Variants in NCEH1 observed in about 807,000 individuals in gnomAD.
NCEH1 encodes the protein neutral cholesterol ester hydrolase 1.
In NCEH1, 9 loss-of-function variants were observed where a neutral mutation model predicts 25.4. The ratio of observed to expected loss-of-function variants is 0.35; its 90% confidence interval spans 0.21 to 0.62. The LOEUF (loss-of-function observed/expected upper bound fraction) is 0.62, where lower values mean the gene tolerates loss of function less well. NCEH1 is among the 20% of genes least tolerant of loss of function. The pLI, the probability that NCEH1 is intolerant of heterozygous loss-of-function variation, is 0.72. For synonymous variants in NCEH1, 200 were observed against 199.8 expected (o/e 1.00, Z -0.01); for missense variants, 412 against 501.1 (o/e 0.82, Z 1.70).
rs1199447925 is a variant in NCEH1 at position 172,697,881 on chromosome 3, G to C, written c.138+12966C>G. ...TTAACTACTATTTTATAAAGTGGTT[G>C]TGTTTGTAATTCTGCAAATGCATCT... On this transcript the variant is annotated intron_variant, in intron 1 of 4. Coordinates refer to ENST00000475381, the MANE Select transcript of NCEH1 (RefSeq NM_020792.6). 4.0e-5 allele frequency among the ~76,000 whole-genome samples: 6 copies of C among 151,660 alleles called. No homozygotes were observed. In the Middle Eastern group the frequency reaches 0.014, roughly 346 times the overall value.
At chr3:172,709,539 C>G (rs1286536071) in intron 1 of NCEH1, among the ~76,000 whole-genome samples, 1 of 152,116 alleles carries the variant, frequency 6.6e-6, no homozygotes, top group Non-Finnish European at 1.5e-5. Context: ...GGGCAGGGGT[C>G]TATAGCTTCA....
At chr3:172,668,994 C>A (rs113543270) in intron 1 of NCEH1, among the ~76,000 whole-genome samples, 55 of 152,126 alleles carry the variant, frequency 3.6e-4, no homozygotes, top group Middle Eastern at 6.8e-3. Flanking sequence ...GCCACCACAC[C>A]CAGCTAATTT....
In NCEH1 at chr3:172,654,976, G is replaced by A. The variant is rs143574078; in HGVS notation, c.139-6862C>T. ...ATGTTTAATGTTCAATTAAGAGATGGACCTTAAAGTAGAGGTATGGAACCA... is the reference window on the plus strand; with the variant it reads ...ATGTTTAATGTTCAATTAAGAGATGAACCTTAAAGTAGAGGTATGGAACCA... On this transcript the variant is annotated intron_variant, in intron 1 of 4. Transcript: ENST00000475381. Among the ~76,000 whole-genome samples, 317 of 152,284 alleles carry A rather than the reference G, an allele frequency of 2.1e-3. 3 individuals are homozygous for A. The highest frequency in any genetic ancestry group is 6.5e-3 in the African/African-American group (269 of 41,548).
chr3:172,679,499 C>T (rs1422019118), intron 1 of NCEH1, among the ~76,000 whole-genome samples: 3 of 151,932 alleles, frequency 2.0e-5, no homozygotes, highest in East Asian at 1.9e-4. Context: ...CTGTATGTAC[C>T]GCACACCCAT....
chr3:172,698,154 T>A (rs531537099), intron 1 of NCEH1, among the ~76,000 whole-genome samples: 3 of 152,098 alleles, frequency 2.0e-5, no homozygotes, highest in Middle Eastern at 3.4e-3. Flanking sequence ...TTTTTGTATT[T>A]TTAGTAGAGA....
At chr3:172,669,569 T>C (rs1316828166) in intron 1 of NCEH1, among the ~76,000 whole-genome samples, 2 of 152,142 alleles carry the variant, frequency 1.3e-5, no homozygotes, top group Middle Eastern at 3.2e-3. Flanking sequence ...TTTTTTGACA[T>C]GGAGTCACCC....
chr3:172,648,592 CTTAAT>C (rs1323616389), intron 1 of NCEH1, among the ~76,000 whole-genome samples: 4 of 152,018 alleles, frequency 2.6e-5, no homozygotes, highest in Non-Finnish European at 5.9e-5. Context: ...TGTCTTATTG[CTTAAT>C]TTCTTTAAAT....
chr3:172,678,585 A>G (rs1354395969), intron 1 of NCEH1, among the ~76,000 whole-genome samples: 1 of 152,220 alleles, frequency 6.6e-6, no homozygotes, highest in Non-Finnish European at 1.5e-5. Flanking sequence ...AACAATTGAG[A>G]TCTTCCATAT....
intron 3 of NCEH1, among the ~76,000 whole-genome samples, chr3:172,644,257 T>TGACTCTAGGGCTTTG (rs1717011036): frequency 1.3e-5 from 1 of 79,744 alleles, no homozygotes; most frequent in African/African-American, 4.1e-5. Context: ...CTAGGGCTTT[T>TGACTCTAGGGCTTTG]GGGTGACTCT....
intron 1 of NCEH1, among the ~76,000 whole-genome samples, chr3:172,694,676 G>A (rs1218007489): frequency 6.6e-6 from 1 of 152,148 alleles, no homozygotes; most frequent in East Asian, 1.9e-4. Flanking sequence ...GCCCATTGCA[G>A]TCCTCAGGTT....
At chr3:172,685,702 TTTTGA>T (rs764317267) in intron 1 of NCEH1, among the ~76,000 whole-genome samples, 7 of 152,224 alleles carry the variant, frequency 4.6e-5, no homozygotes, top group Non-Finnish European at 8.8e-5. Flanking sequence ...ACTTATTTTG[TTTTGA>T]TTTTTCTCCC....
chr3:172,676,580 C>CCA (rs1479848345), intron 1 of NCEH1, among the ~76,000 whole-genome samples: 2 of 152,182 alleles, frequency 1.3e-5, no homozygotes, highest in East Asian at 3.9e-4. Context: ...ACTTTTCCTG[C>CCA]CACACACGGG....
At chr3:172,671,493 A>C (rs1287081205) in intron 1 of NCEH1, among the ~76,000 whole-genome samples, 3 of 128,220 alleles carry the variant, frequency 2.3e-5, no homozygotes, top group Admixed American at 1.5e-4. Flanking sequence ...CCGCTGCTAC[A>C]CACACATACA....
intron 1 of NCEH1, among the ~76,000 whole-genome samples, chr3:172,694,548 A>G (rs993494393): frequency 6.6e-6 from 1 of 152,182 alleles, no homozygotes; most frequent in Non-Finnish European, 1.5e-5. Context: ...AACATTGCCA[A>G]AGTCAAAACA....
rs1716448354 is a variant in NCEH1, at chr3:172,633,310, T to C, written c.*165A>G. 1.4e-6 allele frequency: 1 copy of C among 716,288 alleles called. No individual in the cohort carries two copies. The highest frequency in any genetic ancestry group is 2.3e-6 in the Non-Finnish European group (1 of 436,714). The allele number at this position is 716,288 out of a possible 1,614,324, so 44.4% of individuals were successfully genotyped here. A position where few individuals can be genotyped will look rare whatever the true frequency, so the allele number is the denominator to read the frequency against. ...GCACTTAAGTTAGTCAAATTCATTTTTAAAAATTAGGTTATCATAAAGACT... is the reference window on the plus strand; with the variant it reads ...GCACTTAAGTTAGTCAAATTCATTTCTAAAAATTAGGTTATCATAAAGACT... On this transcript the variant is annotated 3_prime_UTR_variant, in exon 5 of 5. Transcript: ENST00000475381.
chr3:172,661,602 G>A (rs1717975621), intron 1 of NCEH1, among the ~76,000 whole-genome samples: 1 of 152,184 alleles, frequency 6.6e-6, no homozygotes, highest in African/African-American at 2.4e-5. Context: ...TCCTATCCAT[G>A]AGCATGGAAT....
intron 1 of NCEH1, among the ~76,000 whole-genome samples, chr3:172,672,327 AAGTGCTGGAATTAC>A (rs1440641915): frequency 3.9e-5 from 6 of 152,116 alleles, no homozygotes; most frequent in African/African-American, 9.7e-5. Context: ...TAGCCTCCCA[AAGTGCTGGAATTAC>A]AGTGAGAGCC....
intron 1 of NCEH1, among the ~76,000 whole-genome samples, chr3:172,695,239 A>T (rs963941638): frequency 6.6e-6 from 1 of 152,158 alleles, no homozygotes; most frequent in Non-Finnish European, 1.5e-5. Flanking sequence ...CTTCTTCACT[A>T]CCTTCACATT....
chr3:172,647,771 AG>A, intron 2 of NCEH1, 114 bp downstream of exon 2: 1 of 1,431,074 alleles, frequency 7.0e-7, no homozygotes, highest in African/African-American at 1.4e-5. Flanking sequence ...GGGACCATCC[AG>A]GGGAACCTAG....
Sources: allele counts gnomAD v4.1 joint callset (sites outside exome capture counted in the v4.1 genomes callset), GRCh38; gene constraint gnomAD v4.1.1; transcripts MANE v1.5; gene names NCBI Gene and HGNC (gene_info 2026-07-23, HGNC 2026-07-21).